Variants in MAP3K13 observed in about 807,000 individuals in gnomAD.
The protein encoded by MAP3K13 is leucine zipper-bearing kinase.
A neutral mutation model predicts 104.0 loss-of-function variants in MAP3K13; 52 were observed. The ratio of observed to expected loss-of-function variants is 0.50; its 90% confidence interval spans 0.40 to 0.63. The LOEUF is 0.63. MAP3K13 is among the 20% of genes least tolerant of loss of function. The pLI, the probability that MAP3K13 is intolerant of heterozygous loss-of-function variation, is 0.00. For synonymous variants in MAP3K13, 394 were observed against 442.2 expected, an observed-to-expected ratio of 0.89 and a Z score of 1.37; for missense variants, 914 against 1,218.5, an observed-to-expected ratio of 0.75 and a Z score of 3.72.
chr3:185,392,493 G>C lies in MAP3K13; in HGVS notation c.-86+29125G>C, dbSNP rs983816774. Among the ~76,000 whole-genome samples the C allele has an allele frequency of 3.3e-5, 5 of 152,332 alleles. No homozygotes were observed. In the South Asian group the frequency reaches 6.2e-4, roughly 19 times the overall value. ...TGTGTTGCATGCAAAGCAATTGCAAGTACTTTATTCTAGAGGTGACAGAGG... is the reference window on the plus strand; with the variant it reads ...TGTGTTGCATGCAAAGCAATTGCAACTACTTTATTCTAGAGGTGACAGAGG... On this transcript the variant is annotated intron_variant, in intron 1 of 13. Coordinates refer to ENST00000265026, the MANE Select transcript of MAP3K13 (RefSeq NM_004721.5).
chr3:185,334,116 CACA>C (rs1192375670), intron 2 of MAP3K13, among the ~76,000 whole-genome samples: 33 of 152,106 alleles, frequency 2.2e-4, no homozygotes, highest in Non-Finnish European at 4.1e-4. Context: ...TTCAAAAGAG[CACA>C]ACACCTCTAT....
At position 185,317,522 on chromosome 3, in the gene MAP3K13, C is replaced by T. The variant is rs73887863; in HGVS notation, c.-86+31879C>T. ...TGATAAATGCTTTATATTATCTAGA[C>T]TTTTAGGTAGTTATACTAAGGTCAC... On this transcript the variant is annotated intron_variant, in intron 2 of 14. Transcript: ENST00000424227. Among the ~76,000 whole-genome samples, 624 of 152,212 alleles carry T rather than the reference C, an allele frequency of 4.1e-3. 9 individuals carry two copies. Among genetic ancestry groups the T allele is most frequent in the African/African-American group, 0.014 (595 of 41,538 alleles).
chr3:185,351,405 GA>G (rs1723134582), intron 2 of MAP3K13, among the ~76,000 whole-genome samples: 1 of 152,148 alleles, frequency 6.6e-6, no homozygotes, highest in African/African-American at 2.4e-5. Context: ...TAGAATTGAG[GA>G]CAGTTTTCTA....
At position 185,458,506 on chromosome 3, in the gene MAP3K13, G is replaced by A. The variant is rs146688131; in HGVS notation, c.1279-5044G>A. Among the ~76,000 whole-genome samples the A allele has an allele frequency of 4.1e-3, 631 of 152,200 alleles. 2 individuals are homozygous for A. The highest frequency in any genetic ancestry group is 0.014 in the African/African-American group (597 of 41,516). ...AGTACAAAAATTAAGCCTCCTTTGGGTTGTTAGATTCTGGATTCTTTTTCT... is the reference window on the plus strand; with the variant it reads ...AGTACAAAAATTAAGCCTCCTTTGGATTGTTAGATTCTGGATTCTTTTTCT... On this transcript the variant is annotated intron_variant, in intron 7 of 13. Transcript: ENST00000265026.
chr3:185,468,439 C>T (rs926049031), intron 10 of MAP3K13, among the ~76,000 whole-genome samples: 1 of 152,254 alleles, frequency 6.6e-6, no homozygotes, highest in East Asian at 1.9e-4. Flanking sequence ...TCTTGGAATT[C>T]TCTTCCTCTC....
At chr3:185,309,512 C>CAAAAAA (rs66889332) in intron 2 of MAP3K13, among the ~76,000 whole-genome samples, 7 of 105,742 alleles carry the variant, frequency 6.6e-5, no homozygotes, top group African/African-American at 2.1e-4. Flanking sequence ...CCTTGTCTCA[C>CAAAAAA]AAAAAAAAAA....
intron 2 of MAP3K13, among the ~76,000 whole-genome samples, chr3:185,332,309 G>C (rs780749120): frequency 5.9e-5 from 9 of 152,022 alleles, no homozygotes; most frequent in Non-Finnish European, 1.2e-4. Flanking sequence ...CAGTTTGATA[G>C]GTTAAATAAT....
chr3:185,361,316 C>T (rs1235893141), upstream of MAP3K13, among the ~76,000 whole-genome samples: 3 of 150,802 alleles, frequency 2.0e-5, no homozygotes, highest in Non-Finnish European at 4.4e-5. Flanking sequence ...AAATCTGATT[C>T]TTTTAATGTA....
chr3:185,354,608 T>TGGGG (rs67380961), intron 2 of MAP3K13, among the ~76,000 whole-genome samples: 1 of 146,326 alleles, frequency 6.8e-6, no homozygotes, highest in Non-Finnish European at 1.5e-5. Context: ...GTTATAAGTA[T>TGGGG]GGGGGGGGGG....
intron 2 of MAP3K13, among the ~76,000 whole-genome samples, chr3:185,341,410 C>A (rs960482164): frequency 3.9e-5 from 6 of 152,144 alleles, no homozygotes; most frequent in African/African-American, 1.4e-4. Context: ...AAGCCTTCAG[C>A]AGGAGCATGG....
rs1714235814 is a variant in MAP3K13 at position 185,423,251 on chromosome 3, G to A, written c.-85-5246G>A. 6.6e-6 allele frequency among the ~76,000 whole-genome samples: 1 copy of A among 152,180 alleles called. No homozygotes were observed. Among genetic ancestry groups the A allele is most frequent in the South Asian group, 2.1e-4 (1 of 4,832 alleles). ...AACCATCCCCCCTGCCTGGTCCGTG[G>A]AAGTAGTGTCTTCCACAAAACTGGT... On this transcript the variant is annotated intron_variant, in intron 1 of 13. Coordinates refer to ENST00000265026, the MANE Select transcript of MAP3K13 (RefSeq NM_004721.5). The surrounding 1 kb of genome is among the most constrained non-coding windows in gnomAD (Gnocchi z 4.1).
intron 7 of MAP3K13, among the ~76,000 whole-genome samples, chr3:185,452,480 C>A (rs1715947067): frequency 6.6e-6 from 1 of 152,098 alleles, no homozygotes; most frequent in South Asian, 2.1e-4. Flanking sequence ...CAAGCGATCT[C>A]CCTGCCTCGG....
intron 4 of MAP3K13, among the ~76,000 whole-genome samples, chr3:185,447,178 A>C (rs978548029): frequency 1.3e-5 from 2 of 152,156 alleles, no homozygotes; most frequent in Non-Finnish European, 1.5e-5. Flanking sequence ...CATCCTACAC[A>C]TGAGAAAACT....
At chr3:185,446,638 G>A (rs1715608143) in intron 4 of MAP3K13, among the ~76,000 whole-genome samples, 1 of 152,176 alleles carries the variant, frequency 6.6e-6, no homozygotes, top group African/African-American at 2.4e-5. Flanking sequence ...AAACAGGACT[G>A]GTGTGGAATT....
intron 2 of MAP3K13, among the ~76,000 whole-genome samples, chr3:185,342,264 G>T (rs751454924): frequency 2.5e-4 from 38 of 152,130 alleles, no homozygotes; most frequent in Non-Finnish European, 4.4e-4. Context: ...ATAAATGTTA[G>T]TTGCTTTGAG....
rs3796197 is a variant in MAP3K13 at position 185,418,594 on chromosome 3, G to A, written c.-85-9903G>A. Reference sequence around the variant, plus strand: ...GCCAGTACCCCAAGACTCAGCACTGGTCTGATGACCTGCTAATTCACTGGC... The same window carrying A: ...GCCAGTACCCCAAGACTCAGCACTGATCTGATGACCTGCTAATTCACTGGC... On this transcript the variant is annotated intron_variant, in intron 1 of 13. Transcript: ENST00000265026. This position sits in a 1 kb window ranked among gnomAD's most constrained non-coding sequence, Gnocchi z 4.5. 4.6e-4 allele frequency: 738 copies of A among 1,612,320 alleles called. 3 individuals are homozygous for A. The East Asian group carries it at 0.015, about 34-fold the overall frequency.
chr3:185,348,157 T>C (rs1723006164), intron 2 of MAP3K13, among the ~76,000 whole-genome samples: 2 of 152,204 alleles, frequency 1.3e-5, no homozygotes, highest in Non-Finnish European at 2.9e-5. Flanking sequence ...AATGTTGCAT[T>C]GTTTACTAAT....
Position 185,357,211 on chromosome 3 carries a change from G to T in MAP3K13, c.-85-71286G>T, listed in dbSNP as rs1263845255. Among the ~76,000 whole-genome samples the T allele has an allele frequency of 2.6e-5, 4 of 151,802 alleles. No individual in the cohort carries two copies. The East Asian group carries it at 7.8e-4, about 29-fold the overall frequency. ...CGTAATCCCAGCACTTTGGGAGGCC[G>T]AGGCGGGCGGATCACCTGAGGTCAG... is the stretch of plus-strand genomic sequence containing the variant. On this transcript the variant is annotated intron_variant, in intron 2 of 14. Transcript: ENST00000424227.
chr3:185,480,259 G>C lies in MAP3K13; in HGVS notation c.2529G>C (p.Gln843His). 1.2e-6 allele frequency: 2 copies of C among 1,614,150 alleles called. No individual in the cohort carries two copies. Among genetic ancestry groups the C allele is most frequent in the Non-Finnish European group, 1.7e-6 (2 of 1,180,020 alleles). The change falls in exon 13 of 14, where the codon CAG becomes CAC. Residue 843 changes from glutamine (Q) to histidine (H), a missense_variant. Gln to His is a conservative substitution (Grantham distance 24, BLOSUM62 0). This residue lies in a region of MAP3K13 where 583 missense variants were observed against 737.4 expected (regional missense o/e 0.79). Coordinates refer to ENST00000265026, the MANE Select transcript of MAP3K13 (RefSeq NM_004721.5). ...QRPHRCISSC[Q>H]SYSTFSSENF... ...CCCATCGCTGTATCAGCAGCTGCCA[G>C]TCATATTCAACCTTTAGCTCTGAGA...
Sources: allele counts gnomAD v4.1 joint callset (sites outside exome capture counted in the v4.1 genomes callset), GRCh38; gene constraint gnomAD v4.1.1; regional missense constraint gnomAD v4.1.1; non-coding constraint Gnocchi (gnomAD v3.1); transcripts MANE v1.5; gene names NCBI Gene and HGNC (gene_info 2026-07-23, HGNC 2026-07-21).